The following PCDH9 variants were observed in gnomAD, a reference collection of about 807,000 sequenced individuals.
PCDH9 encodes protocadherin 9.
A neutral mutation model predicts 70.6 loss-of-function variants in PCDH9; 24 were observed. The observed-to-expected ratio is 0.34, with a 90% CI of 0.25 to 0.48. The LOEUF (loss-of-function observed/expected upper bound fraction) is 0.48. PCDH9 is among the 20% of genes least tolerant of loss of function. The probability of loss-of-function intolerance (pLI) is 0.99; values close to 1 mark genes in which losing one functional copy is unlikely to be tolerated. For missense variants in PCDH9, 1,281 were observed against 1,503.6 expected (o/e 0.85, Z 2.45); for synonymous variants, 562 against 558.5 (o/e 1.01, Z -0.09).
At chr13:67,224,421 A>C (rs2089801542) in intron 2 of PCDH9, 1 of 152,204 alleles carries the variant, frequency 6.6e-6, no homozygotes, top group African/African-American at 2.4e-5. Context: ...AAGCGACATG[A>C]TACCCTAGTG....
rs556527491 is a variant in PCDH9, at chr13:66,823,115, T to A, written c.3138+80389A>T. Among the ~76,000 whole-genome samples, 18 of 152,130 alleles carry A rather than the reference T, an allele frequency of 1.2e-4. No individual in the cohort carries two copies. In the South Asian group the frequency reaches 2.5e-3, roughly 21 times the overall value. ...GCAAAATTATTGAGAAATAGAAATG[T>A]AGTCTATCTCATATTCTCCATTAGG... On this transcript the variant is annotated intron_variant, in intron 3 of 4. Transcript: ENST00000377865.
chr13:67,110,933 T>C (rs1440700518), intron 2 of PCDH9, among the ~76,000 whole-genome samples: 1 of 152,204 alleles, frequency 6.6e-6, no homozygotes, highest in East Asian at 1.9e-4. Flanking sequence ...CACAGGATTA[T>C]AGGCTTATCC....
At chr13:66,512,338 C>A (rs115844633) in intron 4 of PCDH9, among the ~76,000 whole-genome samples, 3 of 149,566 alleles carry the variant, frequency 2.0e-5, no homozygotes, top group Non-Finnish European at 3.0e-5. Context: ...GAGCTATTAA[C>A]TATTGATAAA....
chr13:66,942,884 G>A (rs1416581671), intron 2 of PCDH9, among the ~76,000 whole-genome samples: 1 of 152,114 alleles, frequency 6.6e-6, no homozygotes, highest in East Asian at 1.9e-4. Flanking sequence ...ACTGACCACA[G>A]ATTCTGTGTT....
chr13:66,755,195 A>ATT (rs2079521183), intron 3 of PCDH9, among the ~76,000 whole-genome samples: 1 of 148,804 alleles, frequency 6.7e-6, no homozygotes, highest in Admixed American at 6.7e-5. Context: ...TAATCATGGG[A>ATT]ACAGAATAAA....
chr13:66,457,591 A>G (rs1958342645), intron 4 of PCDH9, among the ~76,000 whole-genome samples: 1 of 152,080 alleles, frequency 6.6e-6, no homozygotes, highest in African/African-American at 2.4e-5. Flanking sequence ...GTTTTTTAAA[A>G]TCCCAATGCC....
chr13:66,580,403 A>G (rs994768058), intron 4 of PCDH9, among the ~76,000 whole-genome samples: 10 of 152,028 alleles, frequency 6.6e-5, no homozygotes, highest in Non-Finnish European at 5.9e-5. Context: ...GAAATTGCCA[A>G]TAAATGCTTG....
In PCDH9 at chr13:66,380,606, T is replaced by G. The variant is rs796787753; in HGVS notation, c.3341-75578A>C. Reference sequence around the variant, plus strand: ...TTGCCCAGGCTGGAGTGCAGTGGCGTCATCTCGGCTCACTGCAAGCTCCGC... The same window carrying G: ...TTGCCCAGGCTGGAGTGCAGTGGCGGCATCTCGGCTCACTGCAAGCTCCGC... On this transcript the variant is annotated intron_variant, in intron 4 of 4. Coordinates refer to ENST00000377865, the MANE Select transcript of PCDH9 (RefSeq NM_203487.3). Among the ~76,000 whole-genome samples, 19 of 136,662 alleles carry G rather than the reference T, an allele frequency of 1.4e-4. No homozygotes were observed. The East Asian group carries it at 4.1e-3, about 30-fold the overall frequency. 89.7% of individuals were successfully genotyped at this position (136,662 alleles called of 152,430 possible). A position where few individuals can be genotyped will look rare whatever the true frequency, so the allele number is the denominator to read the frequency against.
intron 2 of PCDH9, among the ~76,000 whole-genome samples, chr13:67,067,070 G>A (rs536788952): frequency 3.9e-5 from 6 of 152,094 alleles, no homozygotes; most frequent in South Asian, 2.1e-4. Context: ...GGCTTGCTGC[G>A]GTTATTTGAT....
chr13:67,056,274 G>A lies in PCDH9; in HGVS notation c.3037-152669C>T, dbSNP rs186111976. On this transcript the variant is annotated intron_variant, in intron 2 of 4. Coordinates refer to ENST00000377865, the MANE Select transcript of PCDH9 (RefSeq NM_203487.3). ...CACTGAAGGCCTAATTAACAAAAATGTGATTATTTCTGGATCTGATCACTC... is the reference window on the plus strand; with the variant it reads ...CACTGAAGGCCTAATTAACAAAAATATGATTATTTCTGGATCTGATCACTC... Among the ~76,000 whole-genome samples the A allele has an allele frequency of 1.2e-3, 184 of 152,272 alleles. 1 individual carries two copies. The East Asian group carries it at 0.022, about 18-fold the overall frequency.
intron 2 of PCDH9, among the ~76,000 whole-genome samples, chr13:67,086,712 G>T (rs946427802): frequency 2.0e-5 from 3 of 152,070 alleles, no homozygotes; most frequent in African/African-American, 4.8e-5. Context: ...GAGCAAAGTG[G>T]CTGTAAAGAA....
intron 3 of PCDH9, among the ~76,000 whole-genome samples, chr13:66,792,661 C>G (rs961981833): frequency 6.6e-6 from 1 of 152,080 alleles, no homozygotes; most frequent in African/African-American, 2.4e-5. Context: ...AAGAGTTAAA[C>G]TCCATCTCAA....
intron 2 of PCDH9, among the ~76,000 whole-genome samples, chr13:67,081,588 A>C (rs1188080717): frequency 6.6e-6 from 1 of 152,192 alleles, no homozygotes; most frequent in African/African-American, 2.4e-5. Flanking sequence ...AAACAAAACA[A>C]AAAACAGATA....
intron 2 of PCDH9, among the ~76,000 whole-genome samples, chr13:67,005,300 G>A (rs1442288989): frequency 1.3e-5 from 2 of 151,868 alleles, no homozygotes; most frequent in Non-Finnish European, 2.9e-5. Context: ...TGAAGTCAGG[G>A]GATTTTCTTT....
intron 4 of PCDH9, among the ~76,000 whole-genome samples, chr13:66,376,681 G>C (rs949598268): frequency 7.2e-5 from 11 of 152,206 alleles, no homozygotes; most frequent in African/African-American, 1.9e-4. Context: ...ATTCAGAGAA[G>C]AGTGTATCAA....
chr13:66,780,238 T>C (rs1399414931), intron 3 of PCDH9, among the ~76,000 whole-genome samples: 1 of 152,156 alleles, frequency 6.6e-6, no homozygotes, highest in Admixed American at 6.5e-5. Context: ...ATAAAACTTA[T>C]TACAGAGTAA....
At chr13:67,064,785 AT>A (rs1461704455) in intron 2 of PCDH9, among the ~76,000 whole-genome samples, 1 of 152,124 alleles carries the variant, frequency 6.6e-6, no homozygotes, top group Non-Finnish European at 1.5e-5. Context: ...TTAGAGTACT[AT>A]GAAAAGAAGC....
intron 4 of PCDH9, among the ~76,000 whole-genome samples, chr13:66,556,929 T>C (rs1016014948): frequency 1.3e-5 from 2 of 152,146 alleles, no homozygotes; most frequent in African/African-American, 4.8e-5. Flanking sequence ...GTTATATTAT[T>C]TAAAATCAAT....
At chr13:66,947,206 C>T (rs1168144181) in intron 2 of PCDH9, among the ~76,000 whole-genome samples, 1 of 152,114 alleles carries the variant, frequency 6.6e-6, no homozygotes, top group Non-Finnish European at 1.5e-5. Context: ...ACATTTATAT[C>T]TCTGACCCCT....
Sources: allele counts gnomAD v4.1 joint callset (sites outside exome capture counted in the v4.1 genomes callset), GRCh38; gene constraint gnomAD v4.1.1; transcripts MANE v1.5; gene names NCBI Gene and HGNC (gene_info 2026-07-23, HGNC 2026-07-21).